The following ARHGEF38 variants were observed in gnomAD, a reference collection of about 807,000 sequenced individuals.
ARHGEF38 encodes Rho guanine nucleotide exchange factor (GEF) 38.
A neutral mutation model predicts 79.9 loss-of-function variants in ARHGEF38; 79 were observed. The observed-to-expected ratio is 0.99, with a 90% CI of 0.82 to 1.19. The LOEUF is 1.19. ARHGEF38 is among the 50% of genes most tolerant of loss of function. The probability of loss-of-function intolerance (pLI) is 0.00; values close to 1 mark genes in which losing one functional copy is unlikely to be tolerated. For missense variants in ARHGEF38, 962 were observed against 907.2 expected (o/e 1.06, Z -0.78); for synonymous variants, 366 against 328.3 (o/e 1.11, Z -1.24).
At chr4:105,626,143 C>T (rs1728936303) in intron 3 of ARHGEF38, among the ~76,000 whole-genome samples, 1 of 152,176 alleles carries the variant, frequency 6.6e-6, no homozygotes, top group Admixed American at 6.5e-5. Flanking sequence ...GGCTTCACTG[C>T]TTGAATATAC....
intron 10 of ARHGEF38, among the ~76,000 whole-genome samples, chr4:105,664,381 C>A (rs1219760262): frequency 6.6e-6 from 1 of 152,172 alleles, no homozygotes; most frequent in Non-Finnish European, 1.5e-5. Context: ...TTGGTATTTA[C>A]CTTCATATTT....
At chr4:105,596,787 GT>G (rs35703546) in intron 2 of ARHGEF38, among the ~76,000 whole-genome samples, 2 of 152,182 alleles carry the variant, frequency 1.3e-5, no homozygotes, top group Non-Finnish European at 2.9e-5. Context: ...CTCTTCCGAT[GT>G]TTTTAGCTGG....
At chr4:105,613,960 TA>T (rs1293758351) in intron 3 of ARHGEF38, among the ~76,000 whole-genome samples, 3 of 152,312 alleles carry the variant, frequency 2.0e-5, no homozygotes, top group African/African-American at 7.2e-5. Context: ...TGTAAGTTAT[TA>T]AAAATTTACA....
intron 4 of ARHGEF38, among the ~76,000 whole-genome samples, chr4:105,635,068 C>T (rs1465808442): frequency 6.6e-6 from 1 of 152,068 alleles, no homozygotes; most frequent in Non-Finnish European, 1.5e-5. Context: ...AGACTATAAT[C>T]CTTAAGGAAT....
intron 2 of ARHGEF38, among the ~76,000 whole-genome samples, chr4:105,608,054 T>G (rs1223609542): frequency 6.6e-6 from 1 of 152,144 alleles, no homozygotes; most frequent in Non-Finnish European, 1.5e-5. Flanking sequence ...CAGATCAAGA[T>G]GCCAGCAGAT....
intron 1 of ARHGEF38, among the ~76,000 whole-genome samples, chr4:105,588,411 A>T (rs1179031691): frequency 6.6e-6 from 1 of 152,142 alleles, no homozygotes; most frequent in Non-Finnish European, 1.5e-5. Flanking sequence ...AGACTCACAC[A>T]CTGCCCTGAT....
intron 2 of ARHGEF38, among the ~76,000 whole-genome samples, chr4:105,608,429 T>C (rs1047131165): frequency 1.3e-5 from 2 of 151,848 alleles, no homozygotes; most frequent in African/African-American, 4.8e-5. Context: ...TACTTATTTT[T>C]AATTTTTATA....
intron 1 of ARHGEF38, among the ~76,000 whole-genome samples, chr4:105,583,504 AT>A (rs1726894103): frequency 6.6e-6 from 1 of 152,158 alleles, no homozygotes; most frequent in Admixed American, 6.5e-5. Flanking sequence ...TCTCCCAGAT[AT>A]CTGCATGACT....
At chr4:105,561,459 A>AGAATGGAATGGAATG (rs1578253520) in intron 1 of ARHGEF38, 4 of 38,076 alleles carry the variant, frequency 1.1e-4, no homozygotes, top group East Asian at 1.2e-3. Flanking sequence ...GGAATAGAAT[A>AGAATGGAATGGAATG]GAATAGAATA....
chr4:105,612,892 G>A (rs532616216), intron 2 of ARHGEF38, among the ~76,000 whole-genome samples: 34 of 152,044 alleles, frequency 2.2e-4, no homozygotes, highest in African/African-American at 8.0e-4. Context: ...TATATTTAAT[G>A]ATTTCCATTT....
At chr4:105,622,225 T>A (rs988841510) in intron 3 of ARHGEF38, among the ~76,000 whole-genome samples, 23 of 152,286 alleles carry the variant, frequency 1.5e-4, no homozygotes, top group Middle Eastern at 3.4e-3. Flanking sequence ...AGTCAGTGGC[T>A]TAGCTGTGCC....
At chr4:105,570,034 C>T (rs914809588) in intron 1 of ARHGEF38, 5 of 152,138 alleles carry the variant, frequency 3.3e-5, no homozygotes, top group Non-Finnish European at 2.9e-5. Flanking sequence ...ACCATGATCA[C>T]GACAGTTCCA....
chr4:105,601,683 C>G (rs1727828984), intron 2 of ARHGEF38, among the ~76,000 whole-genome samples: 1 of 151,950 alleles, frequency 6.6e-6, no homozygotes, highest in African/African-American at 2.4e-5. Flanking sequence ...TCTAACCTTG[C>G]CTGTGTGTAG....
intron 6 of ARHGEF38, among the ~76,000 whole-genome samples, chr4:105,645,881 G>A (rs770197561): frequency 6.6e-6 from 1 of 152,216 alleles, no homozygotes; most frequent in Non-Finnish European, 1.5e-5. Flanking sequence ...ATGTGAGCAA[G>A]TATACTTCTT....
At chr4:105,572,533 A>G (rs1423374235) in intron 1 of ARHGEF38, among the ~76,000 whole-genome samples, 1 of 152,140 alleles carries the variant, frequency 6.6e-6, no homozygotes, top group Non-Finnish European at 1.5e-5. Context: ...CTATTAAACA[A>G]TAACTCTCTC....
At chr4:105,589,002 G>C (rs1403424716) in intron 1 of ARHGEF38, among the ~76,000 whole-genome samples, 1 of 152,150 alleles carries the variant, frequency 6.6e-6, no homozygotes, top group African/African-American at 2.4e-5. Context: ...ACAACAATGG[G>C]ATATTTTAAA....
intron 1 of ARHGEF38, among the ~76,000 whole-genome samples, chr4:105,561,021 G>A (rs975748715): frequency 6.6e-6 from 1 of 152,118 alleles, no homozygotes; most frequent in African/African-American, 2.4e-5. Context: ...ATATTTAGCT[G>A]CTAGGAGCTT....
chr4:105,557,851 C>T (rs564615581), intron 1 of ARHGEF38, among the ~76,000 whole-genome samples: 4 of 152,170 alleles, frequency 2.6e-5, no homozygotes, highest in South Asian at 2.1e-4. Flanking sequence ...CAAGACGGGT[C>T]GATTACCTTT....
intron 1 of ARHGEF38, among the ~76,000 whole-genome samples, chr4:105,579,025 T>C (rs1726647562): frequency 6.6e-6 from 1 of 152,172 alleles, no homozygotes; most frequent in African/African-American, 2.4e-5. Context: ...AGAAGTTCTA[T>C]TTTGGTGCAT....
Sources: gnomAD v4.1 joint callset for allele counts (sites outside exome capture counted in the v4.1 genomes callset) on GRCh38, gnomAD v4.1.1 for gene constraint, MANE v1.5 for transcripts, NCBI Gene and HGNC (gene_info 2026-07-23, HGNC 2026-07-21) for gene names.